The following PNPO variants were observed in gnomAD, a reference collection of about 807,000 sequenced individuals.
PNPO encodes pyridoxamine 5'-phosphate oxidase.
PNPO carries 39 observed loss-of-function variants against 35.0 expected under a neutral mutation model. The observed-to-expected ratio is 1.11, with a 90% CI of 0.86 to 1.45. The LOEUF (loss-of-function observed/expected upper bound fraction) is 1.45, where lower values mean the gene tolerates loss of function less well. Ranked by LOEUF, PNPO falls within the 40% of genes most tolerant of loss-of-function variation. The pLI, the probability that PNPO is intolerant of heterozygous loss-of-function variation, is 0.00. For missense variants in PNPO, 288 were observed against 340.0 expected (o/e 0.85, Z 1.20); for synonymous variants, 115 against 119.8 (o/e 0.96, Z 0.26).
Position 47,941,684 on chromosome 17 carries a change from C to T in PNPO, c.9C>T (p.Cys3=), listed in dbSNP as rs1261860464. 1.9e-6 allele frequency: 3 copies of T among 1,538,614 alleles called. No homozygotes were observed. The highest frequency in any genetic ancestry group is 2.0e-5 in the Admixed American group (1 of 50,760). ...GTGGCCGGCGGCCCCCCATGACGTG[C>T]TGGCTGCGGGGCGTCACGGCGACGT... MT[C]WLRGVTATFG... Residue 3 remains cysteine, a synonymous_variant, in exon 1 of 7, where the codon TGC becomes TGT. Transcript: ENST00000642017.
In PNPO at chr17:47,945,517, C is replaced by G; in HGVS notation, c.364-42C>G. 1 of 1,563,828 alleles carries G rather than the reference C, an allele frequency of 6.4e-7. No individual in the cohort carries two copies. The highest frequency in any genetic ancestry group is 8.8e-7 in the Non-Finnish European group (1 of 1,134,302). ...TCCCTGCATGCCGGAGGCCTCCTCT[C>G]CCTGTCCTGATGGCTGGCTGTGGAT... On this transcript the variant is annotated intron_variant, in intron 3 of 6. Transcript: ENST00000642017. This position sits in a 1 kb window ranked among gnomAD's most constrained non-coding sequence, Gnocchi z 4.0.
In PNPO at chr17:47,948,669, A is replaced by T. The variant is rs1214090079; in HGVS notation, c.*1887A>T. 8 of 152,272 alleles carry T rather than the reference A, an allele frequency of 5.3e-5. No homozygotes were observed. Among genetic ancestry groups the T allele is most frequent in the African/African-American group, 1.9e-4 (8 of 41,442 alleles). 9.4% of individuals were successfully genotyped at this position (152,272 alleles called of 1,614,324 possible). A position where few individuals can be genotyped will look rare whatever the true frequency, so the allele number is the denominator to read the frequency against. ...CATTTTCACTAGACCCCAGGTGATC[A>T]GCTGCACTAGACTCAACCTCTAAAC... On this transcript the variant is annotated 3_prime_UTR_variant, in exon 7 of 7. Transcript: ENST00000642017.
chr17:47,944,899 A>G (rs2035988873), intron 3 of PNPO, 184 bp downstream of exon 3: 9 of 657,558 alleles, frequency 1.4e-5, no homozygotes, highest in South Asian at 1.6e-5. Context: ...GCACTTTCTA[A>G]CCAGCCTCAC....
At position 47,945,464 on chromosome 17, in the gene PNPO, G is replaced by A; in HGVS notation, c.364-95G>A. The A allele has an allele frequency of 1.1e-6, 1 of 923,400 alleles. No homozygotes were observed. Among genetic ancestry groups the A allele is most frequent in the South Asian group, 1.3e-5 (1 of 76,930 alleles). The allele number at this position is 923,400 out of a possible 1,614,324, so 57.2% of individuals were successfully genotyped here. A position where few individuals can be genotyped will look rare whatever the true frequency, so the allele number is the denominator to read the frequency against. ...CTTACGGTGGGTGCATCTGCTGTGG[G>A]CCTGCGCACTACAGCTCTCCTGCCT... On this transcript the variant is annotated intron_variant, in intron 3 of 6. Transcript: ENST00000642017. The surrounding 1 kb of genome is among the most constrained non-coding windows in gnomAD (Gnocchi z 4.0).
Position 47,945,582 on chromosome 17 carries a change from T to C in PNPO, c.387T>C (p.Leu129=). Reference sequence around the variant, plus strand: ...AGGACTCTAATCCCTTTGCTTCCCTTGTCTTCTACTGGGAGCCACTTAACC... The same window carrying C: ...AGGACTCTAATCCCTTTGCTTCCCTCGTCTTCTACTGGGAGCCACTTAACC... The part of the protein sequence containing the change: ...KELDSNPFAS[L]VFYWEPLNRQ... Residue 129 remains leucine (L), a synonymous_variant, in exon 4 of 7, where the codon CTT becomes CTC. Coordinates refer to ENST00000642017, the MANE Select transcript of PNPO (RefSeq NM_018129.4). The surrounding 1 kb of genome is among the most constrained non-coding windows in gnomAD (Gnocchi z 4.0). 1 of 1,613,568 alleles carries C rather than the reference T, an allele frequency of 6.2e-7. No individual in the cohort carries two copies. Among genetic ancestry groups the C allele is most frequent in the East Asian group, 2.2e-5 (1 of 44,878 alleles).
In PNPO at chr17:47,947,763, G is replaced by A. The variant is rs2036030229; in HGVS notation, c.*981G>A. ...AGGATTGTCTCCATCTCTTGACCTT[G>A]TGATCCACCCACCTCAGCCTCCCAA... On this transcript the variant is annotated 3_prime_UTR_variant, in exon 7 of 7. Transcript: ENST00000642017. 1 of 152,100 alleles carries A rather than the reference G, an allele frequency of 6.6e-6. No homozygotes were observed. The highest frequency in any genetic ancestry group is 2.1e-4 in the South Asian group (1 of 4,818). The allele number at this position is 152,100 out of a possible 1,614,324, so 9.4% of individuals were successfully genotyped here. A position where few individuals can be genotyped will look rare whatever the true frequency, so the allele number is the denominator to read the frequency against.
chr17:47,944,797 CA>C, intron 3 of PNPO, 82 bp downstream of exon 3: 2 of 1,071,134 alleles, frequency 1.9e-6, no homozygotes, highest in African/African-American at 1.5e-5. Context: ...TATGCCACCC[CA>C]CCCCCCCAGT....
rs1308221954 is a variant in PNPO at position 47,941,724 on chromosome 17, G to A, written c.49G>A (p.Glu17Lys). ...GVTATFGRPA[E>K]WPGYLSHLCG... ...CACGGCGACGTTCGGGCGACCTGCC[G>A]AGTGGCCAGGCTACCTCAGTCACCT... is the stretch of plus-strand genomic sequence containing the variant. The change falls in exon 1 of 7, where the codon GAG becomes AAG. Residue 17 changes from glutamate (E) to lysine (K), a missense_variant. Transcript: ENST00000642017. 6.5e-7 allele frequency: 1 copy of A among 1,546,690 alleles called. No homozygotes were observed. The highest frequency in any genetic ancestry group is 8.7e-7 in the Non-Finnish European group (1 of 1,143,822).
At chr17:47,943,256 A>G in intron 1 of PNPO, 50 bp from the exon 2 acceptor site, 1 of 1,484,434 alleles carries the variant, frequency 6.7e-7, no homozygotes, top group Non-Finnish European at 9.4e-7. Context: ...TGCCAGGTCC[A>G]TAGTAAGCAC....
rs2036036883 is a variant in PNPO, at chr17:47,948,459, A to G, written c.*1677A>G. On this transcript the variant is annotated 3_prime_UTR_variant, in exon 7 of 7. Transcript: ENST00000642017. Reference sequence around the variant, plus strand: ...AGCATGGCAAAACCCTGTCTCTACTATGATATGAATGCAGCCTGGGCACTG... The same window carrying G: ...AGCATGGCAAAACCCTGTCTCTACTGTGATATGAATGCAGCCTGGGCACTG... 1 of 152,164 alleles carries G rather than the reference A, an allele frequency of 6.6e-6. No homozygotes were observed. The highest frequency in any genetic ancestry group is 6.5e-5 in the Admixed American group (1 of 15,276). 9.4% of individuals were successfully genotyped at this position (152,164 alleles called of 1,614,324 possible).
chr17:47,944,676 C>T lies in PNPO; in HGVS notation c.324C>T (p.Arg108=). The stretch of plus-strand genomic sequence containing the variant: ...AGGGCTTCGGGAAAGATGGCTTCCG[C>T]TTCTTCACTAACTTCGAGAGTCGAA... The part of the protein sequence containing the change: ...LLKGFGKDGF[R]FFTNFESRKG... The change falls in exon 3 of 7, where the codon CGC becomes CGT. Residue 108 remains arginine, a synonymous_variant. Coordinates refer to ENST00000642017, the MANE Select transcript of PNPO (RefSeq NM_018129.4). 1.2e-6 allele frequency: 2 copies of T among 1,614,174 alleles called. No homozygotes were observed. Among genetic ancestry groups the T allele is most frequent in the Non-Finnish European group, 1.7e-6 (2 of 1,180,020 alleles).
Position 47,948,531 on chromosome 17 carries a change from ACCT to A in PNPO, c.*1753_*1755del, listed in dbSNP as rs1404177536. 1 of 152,130 alleles carries A rather than the reference ACCT, an allele frequency of 6.6e-6. No homozygotes were observed. The highest frequency in any genetic ancestry group is 1.5e-5 in the Non-Finnish European group (1 of 68,036). The allele number at this position is 152,130 out of a possible 1,614,324, so 9.4% of individuals were successfully genotyped here. ...ATAATTCTGTGCAGCCAAGGTTGAGACCTCCTAGTCTAGAGCTTTGCTATACAC... is the reference window on the plus strand; with the variant it reads ...ATAATTCTGTGCAGCCAAGGTTGAGACCTAGTCTAGAGCTTTGCTATACAC... On this transcript the variant is annotated 3_prime_UTR_variant, in exon 7 of 7. Coordinates refer to ENST00000642017, the MANE Select transcript of PNPO (RefSeq NM_018129.4).
At chr17:47,946,579 CCA>C (rs1268433281) in intron 6 of PNPO, 33 bp from the exon 7 acceptor site, 1 of 1,610,146 alleles carries the variant, frequency 6.2e-7, no homozygotes, top group Admixed American at 1.7e-5. Context: ...CTAGAAAACT[CCA>C]CAGAGCACTG....
At chr17:47,946,295 C>T in intron 5 of PNPO, 28 bp from the exon 6 acceptor site, 1 of 1,527,918 alleles carries the variant, frequency 6.5e-7, no homozygotes, top group Non-Finnish European at 9.1e-7. Flanking sequence ...TGGGCCTGGC[C>T]CTTCTTCTAA....
In PNPO at chr17:47,941,573, ATCCT is replaced by A. The variant is rs1255792445; in HGVS notation, c.-95_-92del. 2 of 1,412,674 alleles carry A rather than the reference ATCCT, an allele frequency of 1.4e-6. No homozygotes were observed. Among genetic ancestry groups the A allele is most frequent in the African/African-American group, 2.9e-5 (2 of 69,376 alleles). The allele number at this position is 1,412,674 out of a possible 1,614,324, so 87.5% of individuals were successfully genotyped here. Reference sequence around the variant, plus strand: ...GTTAGCTTGGTTGGGCGACTGGCAAATCCTTCCTTCCCCGGGGTAGAAGTCCAGG... The same window carrying A: ...GTTAGCTTGGTTGGGCGACTGGCAAATCCTTCCCCGGGGTAGAAGTCCAGG... On this transcript the variant is annotated 5_prime_UTR_variant, in exon 1 of 7. Transcript: ENST00000642017.
At chr17:47,942,096 T>C (rs2035945024) in intron 1 of PNPO, 1 of 1,147,154 alleles carries the variant, frequency 8.7e-7, no homozygotes, top group Non-Finnish European at 1.1e-6. Flanking sequence ...GAATGTTTAA[T>C]GTATCTGGGC....
Position 47,945,649 on chromosome 17 carries a change from G to T in PNPO, c.417+37G>T. 1 of 1,562,542 alleles carries T rather than the reference G, an allele frequency of 6.4e-7. No individual in the cohort carries two copies. The highest frequency in any genetic ancestry group is 1.1e-5 in the South Asian group (1 of 89,992). ...TTCCCAGGACAGCCTGGGATGGGCT[G>T]GGTTGGCAGGGCCTGAGTTTATGGC... On this transcript the variant is annotated intron_variant, in intron 4 of 6. Coordinates refer to ENST00000642017, the MANE Select transcript of PNPO (RefSeq NM_018129.4). The surrounding 1 kb of genome is among the most constrained non-coding windows in gnomAD (Gnocchi z 4.0).
rs529271805 is a variant in PNPO, at chr17:47,947,129, T to G, written c.*347T>G. The G allele has an allele frequency of 2.8e-5, 9 of 319,426 alleles. No individual in the cohort carries two copies. Among genetic ancestry groups the G allele is most frequent in the South Asian group, 2.8e-4 (9 of 32,660 alleles). 19.8% of individuals were successfully genotyped at this position (319,426 alleles called of 1,614,324 possible). ...GCCCCAGCAGCCCTGTCTGTTACCA[T>G]GTGAGTCATACTGGCCAAAGCTTAG... On this transcript the variant is annotated 3_prime_UTR_variant, in exon 7 of 7. Coordinates refer to ENST00000642017, the MANE Select transcript of PNPO (RefSeq NM_018129.4).
rs958802276 is a variant in PNPO, at chr17:47,946,846, G to A, written c.*64G>A. On this transcript the variant is annotated 3_prime_UTR_variant, in exon 7 of 7. Transcript: ENST00000642017. Reference sequence around the variant, plus strand: ...GTGTCAAGAGAGGGTGTGGGATTGGGACCCAGGCCCTTCTTTCTAAACTCA... The same window carrying A: ...GTGTCAAGAGAGGGTGTGGGATTGGAACCCAGGCCCTTCTTTCTAAACTCA... 3 of 1,489,854 alleles carry A rather than the reference G, an allele frequency of 2.0e-6. No homozygotes were observed. Among genetic ancestry groups the A allele is most frequent in the Admixed American group, 3.3e-5 (2 of 59,744 alleles). 92.3% of individuals were successfully genotyped at this position (1,489,854 alleles called of 1,614,324 possible).
Sources: gnomAD v4.1 joint callset for allele counts on GRCh38, gnomAD v4.1.1 for gene constraint, Gnocchi (gnomAD v3.1) non-coding constraint, MANE v1.5 for transcripts, NCBI Gene and HGNC (gene_info 2026-07-23, HGNC 2026-07-21) for gene names.